Variants in FAM110B observed in about 807,000 individuals in gnomAD.
The protein encoded by FAM110B is family with sequence similarity 110 member B.
A neutral mutation model predicts 20.4 loss-of-function variants in FAM110B; 6 were observed. That is an observed-to-expected ratio of 0.29 (90% CI 0.16 to 0.58). The LOEUF (loss-of-function observed/expected upper bound fraction) is 0.58, where lower values mean the gene tolerates loss of function less well. Ranked by LOEUF, FAM110B falls within the 20% of genes least tolerant of loss-of-function variation. The pLI is 0.90. For missense variants in FAM110B, 434 were observed against 498.2 expected, an observed-to-expected ratio of 0.87 and a Z score of 1.23; for synonymous variants, 226 against 214.1, an observed-to-expected ratio of 1.06 and a Z score of -0.49.
intron 3 of FAM110B, among the ~76,000 whole-genome samples, chr8:58,090,476 A>G (rs555230861): frequency 6.6e-6 from 1 of 152,292 alleles, no homozygotes; most frequent in Non-Finnish European, 1.5e-5. Context: ...TTTCTTAATA[A>G]CATTTTCTTG....
chr8:58,085,627 C>T (rs1364216380), intron 3 of FAM110B, among the ~76,000 whole-genome samples: 3 of 152,210 alleles, frequency 2.0e-5, no homozygotes, highest in African/African-American at 7.2e-5. Flanking sequence ...GTTTCACATT[C>T]ATTTTTAGAG....
chr8:58,107,503 G>A (rs931669969), intron 3 of FAM110B, among the ~76,000 whole-genome samples: 5 of 152,242 alleles, frequency 3.3e-5, no homozygotes, highest in Non-Finnish European at 7.4e-5. Context: ...ACAAGCTGTG[G>A]GATTTATTGT....
intron 3 of FAM110B, among the ~76,000 whole-genome samples, chr8:58,121,702 T>G (rs568101744): frequency 8.5e-5 from 13 of 152,352 alleles, no homozygotes; most frequent in African/African-American, 3.1e-4. Context: ...TTTTTGTCTT[T>G]CGCCGTATTT....
intron 1 of FAM110B, among the ~76,000 whole-genome samples, chr8:57,997,770 G>A (rs1049486201): frequency 7.2e-5 from 11 of 152,236 alleles, no homozygotes; most frequent in Admixed American, 3.3e-4. Flanking sequence ...CTCAGAAAAA[G>A]GATTTTCTGG....
At chr8:58,078,738 G>T (rs1308494154) in intron 3 of FAM110B, among the ~76,000 whole-genome samples, 2 of 151,784 alleles carry the variant, frequency 1.3e-5, no homozygotes, top group African/African-American at 4.8e-5. Context: ...TTTTAGTAGA[G>T]ACGGGGTTTC....
chr8:58,076,742 TGAA>T (rs767048950), intron 3 of FAM110B, among the ~76,000 whole-genome samples: 4 of 152,132 alleles, frequency 2.6e-5, no homozygotes, highest in Non-Finnish European at 4.4e-5. Flanking sequence ...CACCATGAGT[TGAA>T]GAGTGTAAAG....
At chr8:58,118,012 G>A (rs556490965) in intron 3 of FAM110B, among the ~76,000 whole-genome samples, 20 of 152,036 alleles carry the variant, frequency 1.3e-4, no homozygotes, top group African/African-American at 4.1e-4. Flanking sequence ...AGAAAATATC[G>A]GAAAGATTCT....
chr8:58,082,083 C>T (rs1026384239), intron 3 of FAM110B, among the ~76,000 whole-genome samples: 1 of 152,166 alleles, frequency 6.6e-6, no homozygotes, highest in African/African-American at 2.4e-5. Context: ...GCTGCGAGCA[C>T]ATGGGCTAGG....
At chr8:58,047,684 C>T (rs1044817107) in intron 2 of FAM110B, among the ~76,000 whole-genome samples, 5 of 138,172 alleles carry the variant, frequency 3.6e-5, no homozygotes, top group Non-Finnish European at 7.7e-5. Context: ...TGAAGAGGTA[C>T]CTATTAAATA....
intron 1 of FAM110B, among the ~76,000 whole-genome samples, chr8:58,006,924 T>TATATATATA (rs6150600): frequency 6.3e-5 from 7 of 110,990 alleles, no homozygotes; most frequent in Non-Finnish European, 1.3e-4. Flanking sequence ...TATATATATA[T>TATATATATA]TTTTCCAAAA....
At chr8:58,022,338 AC>A (rs1254331144) in intron 1 of FAM110B, among the ~76,000 whole-genome samples, 1 of 152,200 alleles carries the variant, frequency 6.6e-6, no homozygotes, top group African/African-American at 2.4e-5. Flanking sequence ...GTCAGTGGTG[AC>A]AGAAAGTACA....
intron 2 of FAM110B, among the ~76,000 whole-genome samples, chr8:58,069,858 G>A (rs1389428988): frequency 2.0e-5 from 3 of 152,150 alleles, no homozygotes; most frequent in African/African-American, 7.2e-5. Flanking sequence ...AGCCGATAGT[G>A]CTATACATTG....
chr8:58,117,125 G>A (rs1270184340), intron 3 of FAM110B, among the ~76,000 whole-genome samples: 1 of 152,192 alleles, frequency 6.6e-6, no homozygotes, highest in Non-Finnish European at 1.5e-5. Flanking sequence ...CTTAACCGGT[G>A]TGAGGGAAAA....
chr8:58,053,037 G>A (rs1029974031), intron 2 of FAM110B, among the ~76,000 whole-genome samples: 3 of 151,228 alleles, frequency 2.0e-5, no homozygotes, highest in Non-Finnish European at 2.9e-5. Context: ...CGCCCGCCTC[G>A]GCCTCCCAAA....
chr8:58,075,030 A>G (rs1172068916), intron 2 of FAM110B, among the ~76,000 whole-genome samples: 2 of 152,218 alleles, frequency 1.3e-5, no homozygotes, highest in Non-Finnish European at 2.9e-5. Flanking sequence ...TAGTTTCCAA[A>G]TGAAGTTGTA....
At chr8:58,057,000 G>A (rs1805559713) in intron 2 of FAM110B, among the ~76,000 whole-genome samples, 1 of 152,214 alleles carries the variant, frequency 6.6e-6, no homozygotes, top group Non-Finnish European at 1.5e-5. Flanking sequence ...GTCTAGAGCT[G>A]CAACATAGTT....
chr8:58,047,724 C>G (rs1805358563), intron 2 of FAM110B, among the ~76,000 whole-genome samples: 1 of 149,810 alleles, frequency 6.7e-6, no homozygotes, highest in Non-Finnish European at 1.5e-5. Flanking sequence ...TCTATCTGTA[C>G]AGTTTATACT....
chr8:58,033,373 T>G (rs1005300098), intron 2 of FAM110B, among the ~76,000 whole-genome samples: 2 of 152,222 alleles, frequency 1.3e-5, no homozygotes, highest in African/African-American at 4.8e-5. Flanking sequence ...TAAATTCATG[T>G]GTCTTTTTGG....
chr8:58,133,754 C>T (rs1295717394), intron 3 of FAM110B, among the ~76,000 whole-genome samples: 2 of 152,192 alleles, frequency 1.3e-5, no homozygotes, highest in Admixed American at 6.5e-5. Flanking sequence ...AGTCTCTCCT[C>T]TCCCTCCTAA....
Sources: gnomAD v4.1 joint callset for allele counts (sites outside exome capture counted in the v4.1 genomes callset) on GRCh38, gnomAD v4.1.1 for gene constraint, MANE v1.5 for transcripts, NCBI Gene and HGNC (gene_info 2026-07-23, HGNC 2026-07-21) for gene names.